Variants in PROM1 observed in about 807,000 individuals in gnomAD.
The protein encoded by PROM1 is prominin 1, also known as prominin-1.
A neutral mutation model predicts 116.9 loss-of-function variants in PROM1; 105 were observed. The observed-to-expected ratio is 0.90, with a 90% CI of 0.77 to 1.06. The LOEUF (loss-of-function observed/expected upper bound fraction) is 1.06, where lower values mean the gene tolerates loss of function less well. Ranked by LOEUF, PROM1 falls within the 50% of genes least tolerant of loss-of-function variation. The probability of loss-of-function intolerance (pLI) is 0.00; values close to 1 mark genes in which losing one functional copy is unlikely to be tolerated. For synonymous variants in PROM1, 393 were observed against 387.0 expected (o/e 1.02, Z -0.18); for missense variants, 1,122 against 1,045.2 (o/e 1.07, Z -1.01).
In PROM1 at chr4:16,009,084, A is replaced by G. The variant is rs760353791; in HGVS notation, c.1166T>C (p.Ile389Thr). Reference protein sequence around the residue: ...VAGIKRVLNSIGSDIDNVTQR... With the variant: ...VAGIKRVLNSTGSDIDNVTQR... The stretch of plus-strand genomic sequence containing the variant: ...AGTTACATTGTCGATATCTGAACCA[A>G]TGGAATTCAAGACCCTTTTGATACC... The change falls in exon 12 of 28, where the codon ATT (isoleucine) becomes ACT (threonine). Residue 389 changes from isoleucine (I) to threonine (T), a missense_variant. Ile to Thr is a moderately conservative substitution (Grantham distance 89). Transcript: ENST00000447510. The G allele has an allele frequency of 1.9e-6, 3 of 1,612,922 alleles. No homozygotes were observed. Among genetic ancestry groups the G allele is most frequent in the East Asian group, 2.2e-5 (1 of 44,880 alleles).
intron 8 of PROM1, among the ~76,000 whole-genome samples, chr4:16,020,318 T>C (rs1729517828): frequency 6.6e-6 from 1 of 152,180 alleles, no homozygotes; most frequent in Admixed American, 6.5e-5. Flanking sequence ...AGCTTAACAA[T>C]ATTTAAGGTT....
In PROM1 at chr4:16,075,890, C is replaced by A; in HGVS notation, c.17G>T (p.Gly6Val). The A allele has an allele frequency of 6.2e-7, 1 of 1,611,672 alleles. No homozygotes were observed. The highest frequency in any genetic ancestry group is 8.5e-7 in the Non-Finnish European group (1 of 1,178,746). ...GCACAGCCCCAGCAGCAACAGGGAG[C>A]CGAGTACGAGGGCCATAGCTAGCAA... MALVL[G>V]SLLLLGLCGN... Residue 6 changes from glycine to valine, a missense_variant, in exon 2 of 28, where the codon GGC becomes GTC. Gly to Val is a moderately radical substitution (Grantham distance 109, BLOSUM62 -3). Transcript: ENST00000447510.
chr4:16,008,809 AC>A, intron 12 of PROM1, 139 bp downstream of exon 12: 1 of 757,502 alleles, frequency 1.3e-6, no homozygotes, highest in Non-Finnish European at 2.1e-6. Flanking sequence ...ATGAACATAA[AC>A]TGGGGTTAAC....
intron 2 of PROM1, among the ~76,000 whole-genome samples, chr4:16,062,884 T>G (rs1740664775): frequency 6.6e-6 from 1 of 152,144 alleles, no homozygotes; most frequent in South Asian, 2.1e-4. Flanking sequence ...AGTAAAAAGT[T>G]TAAGTTACAA....
chr4:16,038,754 G>A (rs937480568), intron 3 of PROM1, among the ~76,000 whole-genome samples, 192 bp downstream of exon 3: 4 of 152,112 alleles, frequency 2.6e-5, no homozygotes, highest in Non-Finnish European at 4.4e-5. Flanking sequence ...TTCAAATGCC[G>A]CTTTTGAACT....
chr4:16,058,917 G>T (rs1311136952), intron 2 of PROM1, among the ~76,000 whole-genome samples: 1 of 152,068 alleles, frequency 6.6e-6, no homozygotes, highest in East Asian at 1.9e-4. Flanking sequence ...CTGGAGCCTA[G>T]TCATGTTGCA....
At chr4:16,027,881 C>T (rs1578112017) in intron 5 of PROM1, among the ~76,000 whole-genome samples, 1 of 152,190 alleles carries the variant, frequency 6.6e-6, no homozygotes, top group Admixed American at 6.5e-5. Flanking sequence ...AATGTCCTTA[C>T]TCACAAGATC....
intron 5 of PROM1, among the ~76,000 whole-genome samples, chr4:16,027,097 T>C (rs1257985252): frequency 6.6e-6 from 1 of 152,112 alleles, no homozygotes; most frequent in Non-Finnish European, 1.5e-5. Context: ...TAAGTTTGGG[T>C]TAATTCTGAT....
intron 5 of PROM1, among the ~76,000 whole-genome samples, chr4:16,028,140 G>C (rs1189836256): frequency 6.6e-6 from 1 of 152,010 alleles, no homozygotes; most frequent in Non-Finnish European, 1.5e-5. Flanking sequence ...AATATAGCAA[G>C]ACCCCATTAT....
rs193258661 is a variant in PROM1 at position 15,991,584 on chromosome 4, T to C, written c.1912-291A>G. The stretch of plus-strand genomic sequence containing the variant: ...AAGAAGCCAGACACAAAAGATTATG[T>C]GTTACGTAATCTTTTTTTTTTTTTT... On this transcript the variant is annotated intron_variant, in intron 17 of 27. Transcript: ENST00000447510. Among the ~76,000 whole-genome samples, 11 of 151,626 alleles carry C rather than the reference T, an allele frequency of 7.3e-5. No homozygotes were observed. The East Asian group carries it at 1.9e-3, about 27-fold the overall frequency.
chr4:15,996,594 G>A (rs1056861414), intron 15 of PROM1, among the ~76,000 whole-genome samples: 2 of 152,070 alleles, frequency 1.3e-5, no homozygotes, highest in African/African-American at 4.8e-5. Flanking sequence ...TCTGTGGTTT[G>A]GCTACAGGAA....
chr4:16,061,769 T>C (rs546577067), intron 2 of PROM1, among the ~76,000 whole-genome samples: 1 of 152,300 alleles, frequency 6.6e-6, no homozygotes, highest in East Asian at 1.9e-4. Context: ...CCATGGTCCT[T>C]CTGAAGCCTC....
intron 20 of PROM1, among the ~76,000 whole-genome samples, chr4:15,986,643 G>T (rs1323014960): frequency 1.3e-5 from 2 of 152,170 alleles, no homozygotes; most frequent in Non-Finnish European, 2.9e-5. Flanking sequence ...CCCTCGCCCT[G>T]TTCACAGAGG....
chr4:16,079,750 G>C (rs912157308), intron 1 of PROM1: 2 of 152,090 alleles, frequency 1.3e-5, no homozygotes, highest in African/African-American at 4.8e-5. Flanking sequence ...TTCTGTTCCT[G>C]GAGTACTCTG....
intron 27 of PROM1, 142 bp downstream of exon 27, chr4:15,970,901 A>T (rs1170627226): frequency 8.0e-6 from 5 of 627,686 alleles, no homozygotes; most frequent in African/African-American, 3.6e-5. Flanking sequence ...GGTGGACTGG[A>T]CATATAAAAT....
At chr4:16,055,327 A>G in intron 2 of PROM1, 1 of 454,428 alleles carries the variant, frequency 2.2e-6, no homozygotes, top group Non-Finnish European at 4.4e-6. Context: ...TTGTGTGCTG[A>G]GATAACCTCC....
chr4:15,972,405 G>A (rs1221396522), intron 26 of PROM1, among the ~76,000 whole-genome samples: 2 of 152,156 alleles, frequency 1.3e-5, no homozygotes, highest in African/African-American at 4.8e-5. Flanking sequence ...CATAATGGAA[G>A]GGCAAATGAG....
chr4:15,984,224 T>C (rs1268264731), intron 23 of PROM1, 39 bp downstream of exon 23: 17 of 1,445,800 alleles, frequency 1.2e-5, no homozygotes, highest in East Asian at 4.7e-5. Context: ...CCAAAGATGA[T>C]GGATTCATTG....
At chr4:15,982,204 C>T (rs1367327133) in intron 23 of PROM1, among the ~76,000 whole-genome samples, 1 of 152,200 alleles carries the variant, frequency 6.6e-6, no homozygotes, top group East Asian at 1.9e-4. Flanking sequence ...ACTAGAACGA[C>T]TCTCCCCAGC....
Sources: gnomAD v4.1 joint callset for allele counts (sites outside exome capture counted in the v4.1 genomes callset) on GRCh38, gnomAD v4.1.1 for gene constraint, MANE v1.5 for transcripts, NCBI Gene and HGNC (gene_info 2026-07-23, HGNC 2026-07-21) for gene names.